ASCC3: variants seen among roughly 807,000 people sequenced by gnomAD.
ASCC3 encodes the protein activating signal cointegrator 1 complex subunit 3, also known as ASC-1 complex subunit P200.
ASCC3 carries 158 observed loss-of-function variants against 256.3 expected under a neutral mutation model. The observed-to-expected ratio is 0.62, with a 90% CI of 0.54 to 0.70. The LOEUF is 0.70. ASCC3 is among the 30% of genes least tolerant of loss of function. ASCC3 has a pLI of 0.00. For missense variants in ASCC3, 2,259 were observed against 2,626.0 expected (o/e 0.86, Z 3.05); for synonymous variants, 948 against 883.4 (o/e 1.07, Z -1.30).
Position 100,644,033 on chromosome 6 carries a change from GT to G in ASCC3, c.3729del (p.Lys1243AsnfsTer48). Reference protein sequence around the residue: ...YHSEYFLALKKQVISKEAQLL... With the variant: ...YHSEYFLALKXQVISKEAQLL... ...TATATTCACATATATACACTTACTT[GT>G]TTTTTTAGAGCTAGAAAATACTCTG... On this transcript the variant is annotated frameshift_variant, in exon 23 of 42. Transcript: ENST00000369162. LOFTEE classifies it high-confidence loss of function. 6 of 1,601,856 alleles carry G rather than the reference GT, an allele frequency of 3.7e-6. No homozygotes were observed. The highest frequency in any genetic ancestry group is 5.1e-6 in the Non-Finnish European group (6 of 1,169,956).
At position 100,527,583 on chromosome 6, in the gene ASCC3, G is replaced by A. The variant is rs551844473; in HGVS notation, c.5776-9441C>T. The stretch of plus-strand genomic sequence containing the variant: ...GAGCCTGAGCTTAGTGCATCTATAC[G>A]TAAACACTCTGCTCCATGGCAATTC... On this transcript the variant is annotated intron_variant, in intron 37 of 41. Coordinates refer to ENST00000369162, the MANE Select transcript of ASCC3 (RefSeq NM_006828.4). 1.2e-3 allele frequency among the ~76,000 whole-genome samples: 180 copies of A among 152,108 alleles called. 1 individual carries two copies. Among genetic ancestry groups the A allele is most frequent in the African/African-American group, 4.0e-3 (166 of 41,490 alleles).
chr6:100,740,378 C>T (rs1022220794), intron 10 of ASCC3, among the ~76,000 whole-genome samples: 1 of 152,096 alleles, frequency 6.6e-6, no homozygotes, highest in Non-Finnish European at 1.5e-5. Flanking sequence ...AGAGTAAGTG[C>T]CATGCAGCAA....
chr6:100,631,088 C>T (rs1355318221), intron 26 of ASCC3, 40 bp downstream of exon 26: 2 of 1,421,560 alleles, frequency 1.4e-6, no homozygotes, highest in Admixed American at 1.7e-5. Context: ...TCCTTTTAGT[C>T]AATTCAAAGC....
At chr6:100,641,077 T>G (rs1366171036) in intron 24 of ASCC3, among the ~76,000 whole-genome samples, 1 of 152,204 alleles carries the variant, frequency 6.6e-6, no homozygotes, top group African/African-American at 2.4e-5. Flanking sequence ...TACTAGTTAA[T>G]TAACAGATTA....
At chr6:100,569,550 T>C (rs1317962755) in intron 36 of ASCC3, among the ~76,000 whole-genome samples, 2 of 151,888 alleles carry the variant, frequency 1.3e-5, no homozygotes, top group Admixed American at 6.6e-5. Context: ...GCCAGGCTAA[T>C]TTTTTGTATT....
At chr6:100,570,504 G>T (rs1047935662) in intron 36 of ASCC3, among the ~76,000 whole-genome samples, 27 of 152,138 alleles carry the variant, frequency 1.8e-4, no homozygotes, top group African/African-American at 6.5e-4. Flanking sequence ...TGGTTTCCAG[G>T]ACAATGCACT....
At chr6:100,679,778 T>C in intron 13 of ASCC3, 26 bp from the exon 14 acceptor site, 1 of 1,610,638 alleles carries the variant, frequency 6.2e-7, no homozygotes. Context: ...GCAGTTTATT[T>C]AATATTCCAA....
intron 36 of ASCC3, among the ~76,000 whole-genome samples, chr6:100,572,914 G>A (rs1319927619): frequency 6.6e-6 from 1 of 152,000 alleles, no homozygotes; most frequent in African/African-American, 2.4e-5. Context: ...ACATGTCAAT[G>A]CTTTAAAATT....
At chr6:100,647,077 C>A in intron 21 of ASCC3, 149 bp downstream of exon 21, 1 of 855,926 alleles carries the variant, frequency 1.2e-6, no homozygotes, top group South Asian at 1.7e-5. Flanking sequence ...GAGATTTTCG[C>A]TTGATTTTAG....
chr6:100,782,627 T>TTATC (rs2114263912), intron 8 of ASCC3, among the ~76,000 whole-genome samples: 1 of 152,276 alleles, frequency 6.6e-6, no homozygotes, highest in South Asian at 2.1e-4. Flanking sequence ...TTATTTGTAA[T>TTATC]ACCAAAAATT....
At chr6:100,795,794 G>T (rs904002181) in intron 8 of ASCC3, among the ~76,000 whole-genome samples, 2 of 152,126 alleles carry the variant, frequency 1.3e-5, no homozygotes, top group Middle Eastern at 3.2e-3. Flanking sequence ...ATGCAATTAT[G>T]ATCTCAGTGA....
In ASCC3 at chr6:100,861,187, T is replaced by C. The variant is rs147325905; in HGVS notation, c.241+2877A>G. On this transcript the variant is annotated intron_variant, in intron 3 of 41. Coordinates refer to ENST00000369162, the MANE Select transcript of ASCC3 (RefSeq NM_006828.4). ...AGCTAAAAATCTAGGATTTCTACCA[T>C]ACTTCTATTTCAGAATTTAGATCTA... is the stretch of plus-strand genomic sequence containing the variant. Among the ~76,000 whole-genome samples, 208 of 152,238 alleles carry C rather than the reference T, an allele frequency of 1.4e-3. 7 individuals are homozygous for C. The highest frequency in any genetic ancestry group is 0.013 in the Admixed American group (193 of 15,288).
At chr6:100,690,667 G>A (rs1372509694) in intron 13 of ASCC3, among the ~76,000 whole-genome samples, 2 of 151,988 alleles carry the variant, frequency 1.3e-5, no homozygotes, top group African/African-American at 4.8e-5. Flanking sequence ...CCTCAAATAG[G>A]GTTAATTTAT....
chr6:100,696,039 G>T (rs239210), intron 13 of ASCC3, among the ~76,000 whole-genome samples: 151,465 of 152,298 alleles, frequency 0.99, 75,322 homozygotes, highest in East Asian at 1. Context: ...TTAAATGATG[G>T]GCTATTTAGA....
rs192179238 is a variant in ASCC3, at chr6:100,798,734, A to G, written c.1374T>C (p.Val458=). The G allele has an allele frequency of 2.0e-5, 33 of 1,612,930 alleles. No homozygotes were observed. In the East Asian group the frequency reaches 4.2e-4, roughly 21 times the overall value. ...TCACCTCATCTAAGTCTTGGATATA[A>G]ACTGGCTTTTCCTCAAAGCTGAGTG... ...PMPLSFEEKP[V]YIQDLDEIGQ... Residue 458 remains valine, a synonymous_variant, in exon 8 of 42, where the codon GTT becomes GTC. Coordinates refer to ENST00000369162, the MANE Select transcript of ASCC3 (RefSeq NM_006828.4).
Position 100,627,702 on chromosome 6 carries a change from C to T in ASCC3, c.4530G>A (p.Leu1510=). Residue 1510 remains leucine (L), a synonymous_variant, in exon 29 of 42, where the codon TTG becomes TTA. Coordinates refer to ENST00000369162, the MANE Select transcript of ASCC3 (RefSeq NM_006828.4). The part of the protein sequence containing the change: ...ADWLNIKQMG[L]FNFRPSVRPV... ...GGCGTACTGATGGTCGGAAGTTAAACAAGCCCATCTAGAGTAAATATGAGA... is the reference window on the plus strand; with the variant it reads ...GGCGTACTGATGGTCGGAAGTTAAATAAGCCCATCTAGAGTAAATATGAGA... 4.3e-6 allele frequency: 7 copies of T among 1,613,530 alleles called. No individual in the cohort carries two copies. Among genetic ancestry groups the T allele is most frequent in the Non-Finnish European group, 5.1e-6 (6 of 1,179,706 alleles).
chr6:100,525,827 T>A (rs1318813715), intron 37 of ASCC3, among the ~76,000 whole-genome samples: 1 of 152,238 alleles, frequency 6.6e-6, no homozygotes, highest in East Asian at 1.9e-4. Context: ...AAAGTTTATT[T>A]AAAAAAATTA....
chr6:100,521,541 A>C (rs1448111444), intron 37 of ASCC3, among the ~76,000 whole-genome samples: 1 of 152,210 alleles, frequency 6.6e-6, no homozygotes, highest in African/African-American at 2.4e-5. Flanking sequence ...ACATGAACAG[A>C]AACATGTTCT....
At chr6:100,874,464 C>CAAAAAAAAAAAAAA (rs530326162) in intron 1 of ASCC3, among the ~76,000 whole-genome samples, 1 of 77,620 alleles carries the variant, frequency 1.3e-5, no homozygotes, top group Non-Finnish European at 2.3e-5. Context: ...GACTCTGTCT[C>CAAAAAAAAAAAAAA]AAAAAAAAAA....
Sources: allele counts gnomAD v4.1 joint callset (sites outside exome capture counted in the v4.1 genomes callset), GRCh38; gene constraint gnomAD v4.1.1; transcripts MANE v1.5; gene names NCBI Gene and HGNC (gene_info 2026-07-23, HGNC 2026-07-21).